The following TCF3 variants were observed in gnomAD, a reference collection of about 807,000 sequenced individuals.
TCF3 encodes transcription factor E2-alpha.
Under a neutral mutation model 72.3 loss-of-function variants are expected in TCF3, and 54 were observed. That is an observed-to-expected ratio of 0.75 (90% CI 0.60 to 0.94). The LOEUF is 0.94. TCF3 is among the 40% of genes least tolerant of loss of function. TCF3 has a pLI of 0.00. For missense variants in TCF3, 1,078 were observed against 934.4 expected, an observed-to-expected ratio of 1.15 and a Z score of -2.00; for synonymous variants, 525 against 412.6, an observed-to-expected ratio of 1.27 and a Z score of -3.30.
chr19:1,639,751 GAAAAA>G (rs10674333), intron 3 of TCF3, among the ~76,000 whole-genome samples: 70 of 54,210 alleles, frequency 1.3e-3, no homozygotes, highest in Admixed American at 1.6e-3. Context: ...AGGAAATTAG[GAAAAA>G]AAAAAAAAAA....
At chr19:1,613,386 G>A (rs980728123) in intron 18 of TCF3, among the ~76,000 whole-genome samples, 1 of 152,122 alleles carries the variant, frequency 6.6e-6, no homozygotes, top group East Asian at 1.9e-4. Flanking sequence ...ATGGGGCCCT[G>A]CTTCCCCGTC....
rs542228102 is a variant in TCF3 at position 1,647,110 on chromosome 19, C to T, written c.73-683G>A. Among the ~76,000 whole-genome samples the T allele has an allele frequency of 6.6e-5, 10 of 152,310 alleles. No individual in the cohort carries two copies. In the East Asian group the frequency reaches 1.9e-3, roughly 29 times the overall value. On this transcript the variant is annotated intron_variant, in intron 2 of 18. Coordinates refer to ENST00000262965, the MANE Select transcript of TCF3 (RefSeq NM_003200.5). ...GGAGGGGCTGGGGAGAGGCTGCACC[C>T]CACAGCTGATCCAGCTCCTGGGTGC...
chr19:1,640,618 A>G (rs1279820580), intron 3 of TCF3, among the ~76,000 whole-genome samples: 1 of 151,850 alleles, frequency 6.6e-6, no homozygotes, highest in Non-Finnish European at 1.5e-5. Flanking sequence ...GGAGATGGAG[A>G]CCATCCTGGC....
intron 16 of TCF3, among the ~76,000 whole-genome samples, chr19:1,617,332 C>G (rs1268287041): frequency 6.6e-6 from 1 of 152,238 alleles, no homozygotes; most frequent in African/African-American, 2.4e-5. Flanking sequence ...GCCGCTCACA[C>G]CACACATGTA....
chr19:1,617,334 A>C (rs968956859), intron 16 of TCF3, among the ~76,000 whole-genome samples: 2 of 152,182 alleles, frequency 1.3e-5, no homozygotes, highest in African/African-American at 4.8e-5. Context: ...CGCTCACACC[A>C]CACATGTACC....
chr19:1,642,157 C>CACACACACACACACACACGCACGCGT (rs2065355294), intron 3 of TCF3, among the ~76,000 whole-genome samples: 2 of 151,688 alleles, frequency 1.3e-5, no homozygotes, highest in East Asian at 3.9e-4. Context: ...CACACACACA[C>CACACACACACACACACACGCACGCGT]ACACACACGC....
intron 2 of TCF3, among the ~76,000 whole-genome samples, chr19:1,647,796 C>T (rs1405585793): frequency 6.6e-6 from 1 of 152,242 alleles, no homozygotes; most frequent in African/African-American, 2.4e-5. Flanking sequence ...GTCCTGTGGG[C>T]TCTGCAGGCC....
intron 2 of TCF3, among the ~76,000 whole-genome samples, chr19:1,649,007 C>G (rs1032651648): frequency 6.6e-6 from 1 of 152,248 alleles, no homozygotes; most frequent in South Asian, 2.1e-4. Context: ...TCCAGCCTCA[C>G]TGCACCTGCC....
Position 1,632,079 on chromosome 19 carries a change from C to A in TCF3, c.257G>T (p.Ser86Ile). 6.2e-7 allele frequency: 1 copy of A among 1,612,962 alleles called. No homozygotes were observed. Among genetic ancestry groups the A allele is most frequent in the Non-Finnish European group, 8.5e-7 (1 of 1,179,740 alleles). The change falls in exon 5 of 19, where the codon AGC becomes ATC. Residue 86 changes from serine (S) to isoleucine (I), a missense_variant. Ser to Ile is a moderately radical substitution (Grantham distance 142). Coordinates refer to ENST00000262965, the MANE Select transcript of TCF3 (RefSeq NM_003200.5). ...CAGGAATGTGGATGAAGAGAGGCTG[C>A]TGTGCGACTCAGTGAAGTGGGTGCC... ...SEGTHFTESHSSLSSSTFLGP... is the reference protein window; with the variant it reads ...SEGTHFTESHISLSSSTFLGP...
At position 1,627,380 on chromosome 19, in the gene TCF3, T is replaced by C. The variant is rs552648707; in HGVS notation, c.345A>G (p.Ala115=). ...TCACCTGAGTCAGGCCGCCCACGCC[T>C]GCGTCTCTCCCGAAGGAGGCATAGG... is the stretch of plus-strand genomic sequence containing the variant. ...RGAYASFGRD[A]GVGGLTQAGF... The change falls in exon 6 of 19, where the codon GCA becomes GCG. Residue 115 remains alanine, a synonymous_variant. Coordinates refer to ENST00000262965, the MANE Select transcript of TCF3 (RefSeq NM_003200.5). The C allele has an allele frequency of 1.2e-6, 2 of 1,611,344 alleles. No homozygotes were observed. The highest frequency in any genetic ancestry group is 2.2e-5 in the East Asian group (1 of 44,876).
intron 4 of TCF3, 82 bp from the exon 5 acceptor site, chr19:1,632,198 G>T: frequency 6.4e-7 from 1 of 1,560,244 alleles, no homozygotes; most frequent in Non-Finnish European, 8.7e-7. Flanking sequence ...GGAGAGGCAG[G>T]ACTCAAACCC....
chr19:1,622,034 C>T lies in TCF3; in HGVS notation c.822+20G>A, dbSNP rs774703822. On this transcript the variant is annotated intron_variant, in intron 10 of 18. Coordinates refer to ENST00000262965, the MANE Select transcript of TCF3 (RefSeq NM_003200.5). ...ACTGCCACCCTCCGCCCACCCCCTG[C>T]CCCCTGCCCTGGGTCCTACCATACG... 5 of 1,596,816 alleles carry T rather than the reference C, an allele frequency of 3.1e-6. 1 individual carries two copies. Among genetic ancestry groups the T allele is most frequent in the Non-Finnish European group, 3.4e-6 (4 of 1,173,090 alleles).
At chr19:1,621,068 A>G (rs2062142371) in intron 12 of TCF3, 22 bp from the exon 13 acceptor site, 3 of 1,522,976 alleles carry the variant, frequency 2.0e-6, no homozygotes, top group African/African-American at 1.4e-5. Flanking sequence ...ACCAGGAGAG[A>G]TGGGCGGTCA....
At chr19:1,637,954 TG>T (rs1404793788) in intron 3 of TCF3, among the ~76,000 whole-genome samples, 2 of 151,636 alleles carry the variant, frequency 1.3e-5, no homozygotes, top group Admixed American at 6.6e-5. Flanking sequence ...GAACCCAACA[TG>T]GAACAAAAAG....
chr19:1,615,036 G>A lies in TCF3; in HGVS notation c.1822+249C>T, dbSNP rs1284774082. 2.0e-5 allele frequency among the ~76,000 whole-genome samples: 3 copies of A among 152,146 alleles called. No individual in the cohort carries two copies. The highest frequency in any genetic ancestry group is 7.2e-5 in the African/African-American group (3 of 41,428). On this transcript the variant is annotated intron_variant, in intron 18 of 18. Coordinates refer to ENST00000262965, the MANE Select transcript of TCF3 (RefSeq NM_003200.5). The surrounding 1 kb of genome is among the most constrained non-coding windows in gnomAD (Gnocchi z 7.3). ...ACAGAGCCCAGGCCTGAAGGACTAG[G>A]GGTCCAGAAAGAGTCCAGTCCTCCC...
intron 3 of TCF3, among the ~76,000 whole-genome samples, chr19:1,635,723 A>G (rs1041092450): frequency 2.6e-5 from 4 of 152,198 alleles, no homozygotes; most frequent in African/African-American, 9.7e-5. Context: ...CGTGGCCAGC[A>G]TTTTTTCAAG....
chr19:1,611,264 T>TCC lies in TCF3; in HGVS notation c.*441_*442dup, dbSNP rs1165133578. 1 of 318,698 alleles carries TCC rather than the reference T, an allele frequency of 3.1e-6. No individual in the cohort carries two copies. The highest frequency in any genetic ancestry group is 5.0e-5 in the Admixed American group (1 of 20,180). 19.7% of individuals were successfully genotyped at this position (318,698 alleles called of 1,614,324 possible). Reference sequence around the variant, plus strand: ...AAGAATAAGCCAGGTTTCCACAGCATCCCCCTTGAGTGATATGTTTCCATT... The same window carrying TCC: ...AAGAATAAGCCAGGTTTCCACAGCATCCCCCCCTTGAGTGATATGTTTCCATT... On this transcript the variant is annotated 3_prime_UTR_variant, in exon 19 of 19. Coordinates refer to ENST00000262965, the MANE Select transcript of TCF3 (RefSeq NM_003200.5).
chr19:1,611,511 G>T lies in TCF3; in HGVS notation c.*196C>A. 1 of 646,694 alleles carries T rather than the reference G, an allele frequency of 1.5e-6. No homozygotes were observed. The highest frequency in any genetic ancestry group is 1.9e-5 in the African/African-American group (1 of 53,950). The allele number at this position is 646,694 out of a possible 1,614,324, so 40.1% of individuals were successfully genotyped here. ...CGAGGCCAGTGAGTGGTAGGCCAGG[G>T]CCCCAGGGAGCTCCTGGACCCAGTG... On this transcript the variant is annotated 3_prime_UTR_variant, in exon 19 of 19. Transcript: ENST00000262965.
intron 2 of TCF3, among the ~76,000 whole-genome samples, chr19:1,646,955 G>T (rs556136948): frequency 6.7e-6 from 1 of 149,116 alleles, no homozygotes; most frequent in East Asian, 1.9e-4. Flanking sequence ...TCCCTGGAGC[G>T]GGGGGTAGGG....
Sources: allele counts gnomAD v4.1 joint callset (sites outside exome capture counted in the v4.1 genomes callset), GRCh38; gene constraint gnomAD v4.1.1; non-coding constraint Gnocchi (gnomAD v3.1); transcripts MANE v1.5; gene names NCBI Gene and HGNC (gene_info 2026-07-23, HGNC 2026-07-21).